Variants in CFTR observed in about 807,000 individuals in gnomAD.
CFTR encodes CF transmembrane conductance regulator.
CFTR carries 181 observed loss-of-function variants against 171.6 expected under a neutral mutation model. That is an observed-to-expected ratio of 1.05 (90% CI 0.93 to 1.19). The LOEUF (loss-of-function observed/expected upper bound fraction) is 1.19, where lower values mean the gene tolerates loss of function less well. Ranked by LOEUF, CFTR falls within the 50% of genes most tolerant of loss-of-function variation. The pLI is 0.00. For synonymous variants in CFTR, 583 were observed against 608.0 expected (o/e 0.96, Z 0.60); for missense variants, 1,968 against 1,734.7 (o/e 1.13, Z -2.39).
chr7:117,634,740 A>G (rs529660672), intron 22 of CFTR, among the ~76,000 whole-genome samples: 24 of 152,152 alleles, frequency 1.6e-4, no homozygotes, highest in African/African-American at 5.8e-4. Flanking sequence ...TTGTTTAATC[A>G]CCATTTTTAA....
chr7:117,658,620 C>G (rs891285839), intron 24 of CFTR, among the ~76,000 whole-genome samples: 2 of 152,126 alleles, frequency 1.3e-5, no homozygotes, highest in Non-Finnish European at 2.9e-5. Flanking sequence ...ACATACCTGT[C>G]CTGTGTTCCT....
At chr7:117,556,767 C>T (rs1799368255) in intron 10 of CFTR, among the ~76,000 whole-genome samples, 1 of 151,144 alleles carries the variant, frequency 6.6e-6, no homozygotes, top group African/African-American at 2.4e-5. Context: ...GATCCGCCCG[C>T]CTCGGCCTCC....
chr7:117,605,733 A>G (rs1009752158), intron 17 of CFTR, among the ~76,000 whole-genome samples: 5 of 152,266 alleles, frequency 3.3e-5, no homozygotes, highest in African/African-American at 4.8e-5. Flanking sequence ...GAGGTAGGAA[A>G]GTGTAGAGTG....
chr7:117,575,548 C>T (rs1039465709), intron 11 of CFTR, among the ~76,000 whole-genome samples: 34 of 152,060 alleles, frequency 2.2e-4, no homozygotes, highest in African/African-American at 7.2e-4. Flanking sequence ...ATTTCTTGCA[C>T]GTGAATGAAT....
Position 117,591,957 on chromosome 7 carries a change from A to C in CFTR, c.1790A>C (p.Asn597Thr), listed in dbSNP as rs766220110. Residue 597 changes from asparagine to threonine, a missense_variant, in exon 14 of 27, where the codon AAC becomes ACC. By Grantham distance (65) the Asn-to-Thr change is moderately conservative. Transcript: ENST00000003084. ...AGCTGTGTCTGTAAACTGATGGCTA[A>C]CAAAACTAGGATTTTGGTCACTTCT... ...FESCVCKLMA[N>T]KTRILVTSKM... 2 of 1,591,318 alleles carry C rather than the reference A, an allele frequency of 1.3e-6. No homozygotes were observed. Among genetic ancestry groups the C allele is most frequent in the South Asian group, 2.3e-5 (2 of 85,838 alleles).
chr7:117,482,047 A>T (rs1798007591), intron 1 of CFTR, among the ~76,000 whole-genome samples: 1 of 152,214 alleles, frequency 6.6e-6, no homozygotes, highest in African/African-American at 2.4e-5. Flanking sequence ...ATATTTTCAC[A>T]TTCATCACAG....
At chr7:117,494,392 A>G (rs1798206727) in intron 1 of CFTR, among the ~76,000 whole-genome samples, 1 of 152,060 alleles carries the variant, frequency 6.6e-6, no homozygotes, top group Admixed American at 6.6e-5. Context: ...AAGGATGTCT[A>G]GCATGCGCTT....
chr7:117,492,051 A>T (rs1011902906), intron 1 of CFTR, among the ~76,000 whole-genome samples: 6 of 152,106 alleles, frequency 3.9e-5, no homozygotes, highest in African/African-American at 7.2e-5. Flanking sequence ...AGGTCATAAG[A>T]AAAAGGACCT....
intron 22 of CFTR, among the ~76,000 whole-genome samples, chr7:117,638,993 C>T (rs1250228371): frequency 6.6e-6 from 1 of 151,938 alleles, no homozygotes; most frequent in Non-Finnish European, 1.5e-5. Context: ...TTTAGGCTGC[C>T]CTTCTTGGGG....
At chr7:117,507,081 C>T (rs546419047) in intron 2 of CFTR, among the ~76,000 whole-genome samples, 4 of 152,272 alleles carry the variant, frequency 2.6e-5, no homozygotes, top group Admixed American at 2.0e-4. Flanking sequence ...ACCACACATC[C>T]GTTCCAAGAT....
intron 11 of CFTR, among the ~76,000 whole-genome samples, chr7:117,570,415 A>G (rs367881130): frequency 1.6e-4 from 24 of 152,274 alleles, no homozygotes; most frequent in African/African-American, 5.5e-4. Context: ...TGTCTTCCGC[A>G]GTTGCTTTTC....
intron 10 of CFTR, among the ~76,000 whole-genome samples, chr7:117,552,169 C>A (rs1455990018): frequency 6.6e-6 from 1 of 151,834 alleles, no homozygotes; most frequent in Non-Finnish European, 1.5e-5. Flanking sequence ...TACTCTGTCA[C>A]CCAGGCTGAA....
chr7:117,539,509 A>G (rs1249754306), intron 7 of CFTR, among the ~76,000 whole-genome samples: 3 of 151,912 alleles, frequency 2.0e-5, no homozygotes. Context: ...GAGACTGTAT[A>G]TTTAAAAAGC....
chr7:117,665,343 G>C, intron 25 of CFTR, 116 bp from the exon 26 acceptor site: 1 of 700,340 alleles, frequency 1.4e-6, no homozygotes, highest in South Asian at 1.8e-5. Flanking sequence ...TATGTGAAAA[G>C]AACTTAAAGA....
intron 21 of CFTR, 127 bp from the exon 22 acceptor site, chr7:117,627,395 C>A: frequency 1.0e-6 from 1 of 964,734 alleles, no homozygotes; most frequent in Non-Finnish European, 1.6e-6. Context: ...CATTGAAAAG[C>A]CCGACAAATA....
intron 11 of CFTR, among the ~76,000 whole-genome samples, chr7:117,570,081 T>C (rs1791664997): frequency 6.6e-6 from 1 of 151,774 alleles, no homozygotes; most frequent in Non-Finnish European, 1.5e-5. Context: ...CATAAGCTAC[T>C]CCTTCATCCA....
At chr7:117,481,468 T>C (rs929573773) in intron 1 of CFTR, among the ~76,000 whole-genome samples, 1 of 152,220 alleles carries the variant, frequency 6.6e-6, no homozygotes, top group Non-Finnish European at 1.5e-5. Flanking sequence ...TTCTAAATAC[T>C]AATGAACTTT....
intron 3 of CFTR, among the ~76,000 whole-genome samples, chr7:117,519,397 C>T (rs1798650558): frequency 6.6e-6 from 1 of 152,046 alleles, no homozygotes. Flanking sequence ...CACTTTTACC[C>T]TGCCAAAAGC....
At chr7:117,492,201 A>C (rs1377182996) in intron 1 of CFTR, among the ~76,000 whole-genome samples, 1 of 152,064 alleles carries the variant, frequency 6.6e-6, no homozygotes, top group African/African-American at 2.4e-5. Context: ...TTTATTGAGG[A>C]CAATTAAATA....
Sources: allele counts gnomAD v4.1 joint callset (sites outside exome capture counted in the v4.1 genomes callset), GRCh38; gene constraint gnomAD v4.1.1; transcripts MANE v1.5; gene names NCBI Gene and HGNC (gene_info 2026-07-23, HGNC 2026-07-21).